MTUS2: variants seen among roughly 807,000 people sequenced by gnomAD.
MTUS2 encodes microtubule-associated tumor suppressor candidate 2.
A neutral mutation model predicts 114.1 loss-of-function variants in MTUS2; 40 were observed. That is an observed-to-expected ratio of 0.35 (90% CI 0.27 to 0.46). MTUS2 has a LOEUF of 0.46. Ranked by LOEUF, MTUS2 falls within the 20% of genes least tolerant of loss-of-function variation. The probability of loss-of-function intolerance (pLI) is 1.00; values close to 1 mark genes in which losing one functional copy is unlikely to be tolerated. For missense variants in MTUS2, 1,679 were observed against 1,705.4 expected (o/e 0.98, Z 0.27); for synonymous variants, 688 against 672.0 (o/e 1.02, Z -0.37).
intron 6 of MTUS2, among the ~76,000 whole-genome samples, chr13:29,290,958 A>G (rs183314789): frequency 1.5e-4 from 23 of 152,322 alleles, no homozygotes; most frequent in South Asian, 1.2e-3. Context: ...AGCACTTGCC[A>G]CAATGAGTGC....
At chr13:29,069,073 G>T (rs935037305) in intron 4 of MTUS2, among the ~76,000 whole-genome samples, 1 of 152,146 alleles carries the variant, frequency 6.6e-6, no homozygotes. Flanking sequence ...GAGGGTAGGG[G>T]ATGGAGAGAA....
intron 5 of MTUS2, among the ~76,000 whole-genome samples, chr13:29,104,898 A>G (rs1319748377): frequency 6.6e-6 from 1 of 152,206 alleles, no homozygotes; most frequent in Non-Finnish European, 1.5e-5. Flanking sequence ...AAAGATCCCA[A>G]ATATACTTTA....
At chr13:29,044,069 G>T (rs1311590653) in intron 4 of MTUS2, among the ~76,000 whole-genome samples, 1 of 151,752 alleles carries the variant, frequency 6.6e-6, no homozygotes, top group Non-Finnish European at 1.5e-5. Flanking sequence ...TTATTTCTTT[G>T]TGCAGATCCT....
chr13:29,030,339 C>T (rs1886759425), intron 3 of MTUS2, among the ~76,000 whole-genome samples: 1 of 152,144 alleles, frequency 6.6e-6, no homozygotes, highest in African/African-American at 2.4e-5. Flanking sequence ...AAGTCTTCTT[C>T]AAAGAATTTA....
In MTUS2 at chr13:29,304,407, A is replaced by G. The variant is rs532669357; in HGVS notation, c.2807-20206A>G. On this transcript the variant is annotated intron_variant, in intron 6 of 15. Transcript: ENST00000612955. ...TTTCAAGAGACCCATCTCACATGAA[A>G]GACACACATAGGCTCAAAATAAAGG... Among the ~76,000 whole-genome samples the G allele has an allele frequency of 6.7e-3, 1,021 of 151,760 alleles. 15 individuals carry two copies. The highest frequency in any genetic ancestry group is 0.023 in the African/African-American group (947 of 41,372).
chr13:29,096,315 A>G (rs1478547281), intron 4 of MTUS2, among the ~76,000 whole-genome samples: 1 of 152,178 alleles, frequency 6.6e-6, no homozygotes, highest in African/African-American at 2.4e-5. Flanking sequence ...TCCCTTTGGT[A>G]TCACATTCAG....
At chr13:29,014,446 A>C (rs1404740166) in intron 2 of MTUS2, among the ~76,000 whole-genome samples, 1 of 152,234 alleles carries the variant, frequency 6.6e-6, no homozygotes, top group Non-Finnish European at 1.5e-5. Flanking sequence ...GAGTGCCTGC[A>C]GTGCATGGAG....
chr13:29,156,825 G>T (rs1301654761), intron 5 of MTUS2, among the ~76,000 whole-genome samples: 1 of 151,910 alleles, frequency 6.6e-6, no homozygotes, highest in African/African-American at 2.4e-5. Flanking sequence ...AATTTTTCCC[G>T]CTTTGTTACC....
intron 2 of MTUS2, among the ~76,000 whole-genome samples, chr13:29,006,957 C>T (rs1377048552): frequency 6.6e-6 from 1 of 152,176 alleles, no homozygotes; most frequent in East Asian, 1.9e-4. Flanking sequence ...CTGCTGGTCT[C>T]TGAACACACA....
intron 5 of MTUS2, among the ~76,000 whole-genome samples, chr13:29,117,529 T>C (rs1225689379): frequency 1.3e-5 from 2 of 152,168 alleles, no homozygotes; most frequent in Non-Finnish European, 2.9e-5. Context: ...AATGCAGGGC[T>C]CCTCCATCCC....
At chr13:29,084,408 C>A (rs780637838) in intron 4 of MTUS2, among the ~76,000 whole-genome samples, 4 of 151,836 alleles carry the variant, frequency 2.6e-5, no homozygotes, top group Non-Finnish European at 4.4e-5. Flanking sequence ...AGCATTCTCT[C>A]TACTTTGCTT....
intron 9 of MTUS2, among the ~76,000 whole-genome samples, chr13:29,453,221 G>A (rs1470977352): frequency 1.3e-5 from 2 of 152,198 alleles, no homozygotes; most frequent in African/African-American, 4.8e-5. Flanking sequence ...GGAAATGGCT[G>A]AAGAGCATTT....
intron 2 of MTUS2, among the ~76,000 whole-genome samples, chr13:28,910,177 C>T (rs1458372886): frequency 6.6e-6 from 1 of 152,170 alleles, no homozygotes; most frequent in African/African-American, 2.4e-5. Context: ...CTCCATCCCA[C>T]CCGTTACCCT....
rs199590352 is a variant in MTUS2 at position 29,324,636 on chromosome 13, G to A, written c.2830G>A (p.Asp944Asn). 76 of 1,590,760 alleles carry A rather than the reference G, an allele frequency of 4.8e-5. No homozygotes were observed. The Middle Eastern group carries it at 5.0e-4, about 10-fold the overall frequency. ...PAGTKKDAQKDQDTNKPAVSS... is the reference protein window; with the variant it reads ...PAGTKKDAQKNQDTNKPAVSS... ...AGGAACAAAGAAAGATGCTCAGAAAGATCAAGATACGAATAAACCTGCTGT... is the reference window on the plus strand; with the variant it reads ...AGGAACAAAGAAAGATGCTCAGAAAAATCAAGATACGAATAAACCTGCTGT... Residue 944 changes from aspartate (D) to asparagine (N), a missense_variant, in exon 7 of 16, where the codon GAT (aspartate) becomes AAT (asparagine). Asp to Asn is a conservative substitution (Grantham distance 23). Around this residue, in one of 3 missense-constraint regions of MTUS2, gnomAD observed 822 missense variants for 899.7 expected, o/e 0.91. Transcript: ENST00000612955.
At chr13:28,949,172 G>T (rs953201658) in intron 2 of MTUS2, among the ~76,000 whole-genome samples, 2 of 152,154 alleles carry the variant, frequency 1.3e-5, no homozygotes, top group South Asian at 2.1e-4. Context: ...CCCTCCTTAG[G>T]GAAAATAAAC....
intron 2 of MTUS2, among the ~76,000 whole-genome samples, chr13:28,870,430 T>C (rs972036481): frequency 6.6e-6 from 1 of 152,148 alleles, no homozygotes; most frequent in Non-Finnish European, 1.5e-5. Context: ...AGGAGACCCA[T>C]TGGAGTGGGA....
intron 2 of MTUS2, among the ~76,000 whole-genome samples, chr13:28,994,031 TC>T (rs1323827147): frequency 2.0e-5 from 3 of 152,154 alleles, no homozygotes; most frequent in African/African-American, 7.2e-5. Context: ...TAGGTGTATC[TC>T]CTAATGCTAT....
chr13:28,940,862 G>A (rs1593317531), intron 2 of MTUS2, among the ~76,000 whole-genome samples: 1 of 152,010 alleles, frequency 6.6e-6, no homozygotes. Context: ...AAATGAGTGG[G>A]GGATGGAGGC....
intron 9 of MTUS2, among the ~76,000 whole-genome samples, chr13:29,463,452 T>A (rs956644706): frequency 1.3e-5 from 2 of 152,198 alleles, no homozygotes; most frequent in Admixed American, 6.5e-5. Context: ...AAGGAAGATT[T>A]TTTTTAGTTT....
Sources: allele counts gnomAD v4.1 joint callset (sites outside exome capture counted in the v4.1 genomes callset), GRCh38; gene constraint gnomAD v4.1.1; regional missense constraint gnomAD v4.1.1; transcripts MANE v1.5; gene names NCBI Gene and HGNC (gene_info 2026-07-23, HGNC 2026-07-21).